PHLPP1: variants seen among roughly 807,000 people sequenced by gnomAD.
PHLPP1 encodes the protein PH domain leucine-rich repeat-containing protein phosphatase 1.
Under a neutral mutation model 117.2 loss-of-function variants are expected in PHLPP1, and 42 were observed. That is an observed-to-expected ratio of 0.36 (90% CI 0.28 to 0.46). The LOEUF is 0.46. Among genes scored for constraint, PHLPP1 ranks in the 20% least tolerant of loss-of-function variants. The pLI is 1.00. For synonymous variants in PHLPP1, 1,042 were observed against 970.7 expected, an observed-to-expected ratio of 1.07 and a Z score of -1.37; for missense variants, 2,084 against 2,241.9, an observed-to-expected ratio of 0.93 and a Z score of 1.42.
intron 1 of PHLPP1, chr18:62,824,051 G>A: frequency 2.6e-6 from 1 of 383,572 alleles, no homozygotes; most frequent in Non-Finnish European, 5.1e-6. Flanking sequence ...AGAATTGCTT[G>A]AACCTGGGAG....
At chr18:62,832,362 A>G (rs1914781520) in intron 2 of PHLPP1, 1 of 152,242 alleles carries the variant, frequency 6.6e-6, no homozygotes, top group Non-Finnish European at 1.5e-5. Flanking sequence ...GGTAGCAATT[A>G]TGATAGAATT....
chr18:62,891,305 A>G lies in PHLPP1; in HGVS notation c.2067-3706A>G, dbSNP rs141634714. 1.0e-3 allele frequency among the ~76,000 whole-genome samples: 156 copies of G among 152,348 alleles called. 1 individual carries two copies. Among genetic ancestry groups the G allele is most frequent in the African/African-American group, 3.6e-3 (148 of 41,586 alleles). On this transcript the variant is annotated intron_variant, in intron 4 of 16. Transcript: ENST00000262719. ...AATTATAAATTTAACTAAGAAATAT[A>G]GGCTGGGTGCAGTGGCTTACGCCTG...
chr18:62,803,549 T>TA (rs1913847683), intron 1 of PHLPP1, among the ~76,000 whole-genome samples: 1 of 152,226 alleles, frequency 6.6e-6, no homozygotes, highest in Non-Finnish European at 1.5e-5. Flanking sequence ...GCTATGTAGT[T>TA]TTACATTGTA....
intron 1 of PHLPP1, among the ~76,000 whole-genome samples, chr18:62,760,834 A>G (rs1912200175): frequency 6.6e-6 from 1 of 152,186 alleles, no homozygotes; most frequent in African/African-American, 2.4e-5. Context: ...ACCTCTTGGA[A>G]TGAGTGTCTC....
In PHLPP1 at chr18:62,951,878, G is replaced by A. The variant is rs531250851; in HGVS notation, c.3324+6607G>A. Among the ~76,000 whole-genome samples, 24 of 146,160 alleles carry A rather than the reference G, an allele frequency of 1.6e-4. No individual in the cohort carries two copies. In the East Asian group the frequency reaches 3.1e-3, roughly 19 times the overall value. ...CGCCCAGGCTCGAGTGCAATGGCGC[G>A]ATCTTGGCTCACTGCAAGCTCTGCC... On this transcript the variant is annotated intron_variant, in intron 12 of 16. Coordinates refer to ENST00000262719, the MANE Select transcript of PHLPP1 (RefSeq NM_194449.4).
chr18:62,885,264 TA>T (rs1205406864), intron 4 of PHLPP1, among the ~76,000 whole-genome samples: 8 of 152,210 alleles, frequency 5.3e-5, no homozygotes, highest in African/African-American at 1.9e-4. Context: ...TGCCCTTGGA[TA>T]AAAATGGCTC....
intron 1 of PHLPP1, among the ~76,000 whole-genome samples, chr18:62,802,437 A>G (rs1204607895): frequency 6.6e-6 from 1 of 152,192 alleles, no homozygotes; most frequent in African/African-American, 2.4e-5. Context: ...CCCAAGCAGA[A>G]TAATTTTGAT....
At chr18:62,900,453 T>TTTTTTTTTTTG in intron 6 of PHLPP1, among the ~76,000 whole-genome samples, 1 of 124,324 alleles carries the variant, frequency 8.0e-6, no homozygotes, top group Non-Finnish European at 1.7e-5. Context: ...TTTTTTTTTT[T>TTTTTTTTTTTG]TTTTTTTTGA....
chr18:62,815,782 A>G (rs1914254924), intron 1 of PHLPP1, among the ~76,000 whole-genome samples: 1 of 152,242 alleles, frequency 6.6e-6, no homozygotes, highest in Non-Finnish European at 1.5e-5. Context: ...CTTTTGAAGG[A>G]AAGAATTTAA....
intron 1 of PHLPP1, among the ~76,000 whole-genome samples, chr18:62,789,747 G>T (rs763848930): frequency 6.6e-6 from 1 of 151,982 alleles, no homozygotes; most frequent in Non-Finnish European, 1.5e-5. Context: ...AGTTCTATAG[G>T]GCTGGGAAGT....
chr18:62,755,973 T>C (rs2144241185), intron 1 of PHLPP1, among the ~76,000 whole-genome samples: 1 of 148,016 alleles, frequency 6.8e-6, no homozygotes, highest in South Asian at 2.1e-4. Flanking sequence ...TTTGTGAGAA[T>C]ATTTTTGTTC....
In PHLPP1 at chr18:62,903,372, G is replaced by A. The variant is rs543314872; in HGVS notation, c.2647+206G>A. Among the ~76,000 whole-genome samples the A allele has an allele frequency of 1.3e-5, 2 of 151,936 alleles. 1 individual carries two copies. Among genetic ancestry groups the A allele is most frequent in the East Asian group, 3.9e-4 (2 of 5,190 alleles). On this transcript the variant is annotated intron_variant, in intron 7 of 16. Transcript: ENST00000262719. ...TTTTATTGTCCCTAATTTTTTTCTC[G>A]TATTGTGATTTGGATAAGTTACTCC...
At chr18:62,722,049 C>T (rs546013602) in intron 1 of PHLPP1, among the ~76,000 whole-genome samples, 21 of 152,282 alleles carry the variant, frequency 1.4e-4, no homozygotes, top group African/African-American at 4.6e-4. Context: ...AGCTTCCATC[C>T]TGTTTGGGTC....
chr18:62,815,960 C>T (rs1914260599), intron 1 of PHLPP1, among the ~76,000 whole-genome samples: 1 of 152,100 alleles, frequency 6.6e-6, no homozygotes, highest in Non-Finnish European at 1.5e-5. Flanking sequence ...TCTATGGTAA[C>T]CATCTTTTCA....
chr18:62,972,947 C>A (rs1911095512), intron 15 of PHLPP1, among the ~76,000 whole-genome samples: 1 of 152,138 alleles, frequency 6.6e-6, no homozygotes, highest in Non-Finnish European at 1.5e-5. Context: ...GAATTAGTTT[C>A]TCTGAGAACT....
intron 6 of PHLPP1, among the ~76,000 whole-genome samples, chr18:62,899,006 G>C (rs1263561945): frequency 1.3e-5 from 2 of 151,918 alleles, no homozygotes; most frequent in Non-Finnish European, 1.5e-5. Flanking sequence ...CACCATGTTG[G>C]CCAGGTTGGT....
chr18:62,852,415 C>T (rs1169020591), intron 3 of PHLPP1, among the ~76,000 whole-genome samples: 1 of 152,166 alleles, frequency 6.6e-6, no homozygotes, highest in East Asian at 1.9e-4. Context: ...CCAATCTCGG[C>T]TCACTGCGAG....
intron 4 of PHLPP1, among the ~76,000 whole-genome samples, chr18:62,881,695 C>T (rs1302099039): frequency 2.0e-5 from 3 of 152,172 alleles, no homozygotes; most frequent in African/African-American, 7.2e-5. Context: ...ATGGCAGGTG[C>T]TCACTGGGAA....
At chr18:62,938,994 C>CTTTCTTTCTTTTTTTT (rs368316862) in intron 10 of PHLPP1, among the ~76,000 whole-genome samples, 6 of 128,694 alleles carry the variant, frequency 4.7e-5, no homozygotes, top group Non-Finnish European at 7.9e-5. Flanking sequence ...TTCTTTCTTT[C>CTTTCTTTCTTTTTTTT]TTTTTTTTTT....
Sources: allele counts gnomAD v4.1 joint callset (sites outside exome capture counted in the v4.1 genomes callset), GRCh38; gene constraint gnomAD v4.1.1; transcripts MANE v1.5; gene names NCBI Gene and HGNC (gene_info 2026-07-23, HGNC 2026-07-21).